DLGAP2: variants seen among roughly 807,000 people sequenced by gnomAD.
DLGAP2 encodes DLG associated protein 2, also known as disks large-associated protein 2.
DLGAP2 carries 26 observed loss-of-function variants against 100.3 expected under a neutral mutation model. The ratio of observed to expected loss-of-function variants is 0.26; its 90% CI spans 0.19 to 0.36. The LOEUF (loss-of-function observed/expected upper bound fraction) is 0.36. Among genes scored for constraint, DLGAP2 ranks in the 10% least tolerant of loss-of-function variants. The pLI is 1.00. For synonymous variants in DLGAP2, 886 were observed against 630.1 expected (o/e 1.41, Z -6.08); for missense variants, 1,858 against 1,453.2 (o/e 1.28, Z -4.53).
chr8:1,668,704 G>C (rs1798611791), intron 9 of DLGAP2, 26 bp downstream of exon 9: 1 of 1,494,026 alleles, frequency 6.7e-7, no homozygotes, highest in Non-Finnish European at 8.9e-7. Flanking sequence ...CGCCCGTCAG[G>C]GCCTCGCTCC....
At chr8:1,047,783 GCCCCACC>G (rs1381488028) in intron 2 of DLGAP2, among the ~76,000 whole-genome samples, 1 of 151,954 alleles carries the variant, frequency 6.6e-6, no homozygotes, top group African/African-American at 2.4e-5. Context: ...CCTTCCAAAG[GCCCCACC>G]TCCTAACACC....
chr8:1,270,316 C>T (rs1361369425), intron 3 of DLGAP2, among the ~76,000 whole-genome samples: 1 of 152,134 alleles, frequency 6.6e-6, no homozygotes, highest in Non-Finnish European at 1.5e-5. Context: ...GAAAAATGTC[C>T]AGAAATAGAA....
chr8:926,035 G>C (rs770588544), intron 2 of DLGAP2, among the ~76,000 whole-genome samples: 9 of 152,212 alleles, frequency 5.9e-5, no homozygotes, highest in Non-Finnish European at 1.3e-4. Context: ...CGGGGGCACA[G>C]AGCAGGTCTT....
At chr8:1,493,681 GAAGT>G (rs1433057340) in intron 3 of DLGAP2, among the ~76,000 whole-genome samples, 24 of 152,198 alleles carry the variant, frequency 1.6e-4, no homozygotes, top group African/African-American at 1.2e-4. Context: ...GCAATGAAAA[GAAGT>G]AAGTGTGCTT....
At chr8:1,193,360 C>A (rs568944159) in intron 2 of DLGAP2, among the ~76,000 whole-genome samples, 3 of 152,304 alleles carry the variant, frequency 2.0e-5, no homozygotes, top group East Asian at 1.9e-4. Flanking sequence ...TTAATGATCG[C>A]CATTCTAACT....
At chr8:1,077,027 GC>G (rs1285123308) in intron 2 of DLGAP2, among the ~76,000 whole-genome samples, 1 of 136,092 alleles carries the variant, frequency 7.3e-6, no homozygotes, top group Non-Finnish European at 1.6e-5. Flanking sequence ...TCTGTCCCGG[GC>G]CCCCCCAAGA....
intron 6 of DLGAP2, among the ~76,000 whole-genome samples, chr8:1,591,790 C>T (rs554731067): frequency 3.9e-5 from 6 of 152,328 alleles, no homozygotes; most frequent in East Asian, 1.9e-4. Flanking sequence ...CACCCATCCC[C>T]AGCAGAGGGA....
At chr8:800,902 T>C (rs568057889) in intron 1 of DLGAP2, among the ~76,000 whole-genome samples, 94 of 152,178 alleles carry the variant, frequency 6.2e-4, no homozygotes, top group African/African-American at 2.2e-3. Flanking sequence ...CCGTGCTGTG[T>C]CCTCGCCCCC....
rs537386683 is a variant in DLGAP2, at chr8:1,480,057, G to C, written c.107-21309G>C. ...AATTAGTATCTCTCTTGCAGAGAGAGGCACGGATGCCAAGGGTTGGCAGTG... is the reference window on the plus strand; with the variant it reads ...AATTAGTATCTCTCTTGCAGAGAGACGCACGGATGCCAAGGGTTGGCAGTG... On this transcript the variant is annotated intron_variant, in intron 3 of 14. Coordinates refer to ENST00000637795, the MANE Select transcript of DLGAP2 (RefSeq NM_001346810.2). Among the ~76,000 whole-genome samples the C allele has an allele frequency of 8.5e-5, 13 of 152,318 alleles. No individual in the cohort carries two copies. The South Asian group carries it at 2.3e-3, about 27-fold the overall frequency.
At chr8:1,697,427 T>G in intron 14 of DLGAP2, 128 bp downstream of exon 14, 1 of 1,336,798 alleles carries the variant, frequency 7.5e-7, no homozygotes, top group Non-Finnish European at 1.0e-6. Flanking sequence ...CAAATTTCCC[T>G]CTATGTATGT....
chr8:1,017,671 C>T (rs1041911162), intron 2 of DLGAP2, among the ~76,000 whole-genome samples: 1 of 140,150 alleles, frequency 7.1e-6, no homozygotes, highest in Non-Finnish European at 1.6e-5. Flanking sequence ...TGACCAGGAG[C>T]CTTTTGGCTT....
Position 1,119,242 on chromosome 8 carries a change from A to T in DLGAP2, c.74-139609A>T, listed in dbSNP as rs76050506. ...AGACGTAAATTTTAAGTAGGTTTGG[A>T]ATCTTTTGTAGGACTACTTTTATTT... On this transcript the variant is annotated intron_variant, in intron 2 of 14. Coordinates refer to ENST00000637795, the MANE Select transcript of DLGAP2 (RefSeq NM_001346810.2). Among the ~76,000 whole-genome samples, 610 of 152,346 alleles carry T rather than the reference A, an allele frequency of 4.0e-3. 39 individuals carry two copies. In the East Asian group the frequency reaches 0.11, roughly 27 times the overall value.
At chr8:1,428,274 T>C (rs1054559076) in intron 3 of DLGAP2, among the ~76,000 whole-genome samples, 11 of 152,106 alleles carry the variant, frequency 7.2e-5, no homozygotes, top group Non-Finnish European at 1.5e-4. Flanking sequence ...CAATGAGCAA[T>C]TTTATGATGT....
intron 5 of DLGAP2, among the ~76,000 whole-genome samples, chr8:1,552,255 C>T (rs1801794896): frequency 6.6e-6 from 1 of 152,222 alleles, no homozygotes; most frequent in African/African-American, 2.4e-5. Context: ...AGGACGTCTG[C>T]AGGGAGCAGC....
chr8:820,847 T>A (rs1796570830), intron 1 of DLGAP2, among the ~76,000 whole-genome samples: 1 of 152,122 alleles, frequency 6.6e-6, no homozygotes, highest in East Asian at 1.9e-4. Flanking sequence ...CTAAAATAAT[T>A]GTGATTGTTT....
chr8:1,436,589 G>A (rs1269331579), intron 3 of DLGAP2, among the ~76,000 whole-genome samples: 2 of 152,166 alleles, frequency 1.3e-5, no homozygotes, highest in Admixed American at 1.3e-4. Context: ...AACCATCACA[G>A]TATGCTAAGG....
At chr8:971,688 GAA>G (rs1800018932) in intron 2 of DLGAP2, among the ~76,000 whole-genome samples, 2 of 152,188 alleles carry the variant, frequency 1.3e-5, no homozygotes, top group African/African-American at 4.8e-5. Context: ...CAGGAATAGG[GAA>G]AAGTCATCAT....
At chr8:1,011,861 T>A (rs1387247984) in intron 2 of DLGAP2, among the ~76,000 whole-genome samples, 1 of 152,116 alleles carries the variant, frequency 6.6e-6, no homozygotes, top group East Asian at 1.9e-4. Flanking sequence ...GGCACAGATG[T>A]GGAACCAGGA....
At position 1,578,433 on chromosome 8, in the gene DLGAP2, G is replaced by C. The variant is rs75374772; in HGVS notation, c.1442+12539G>C. On this transcript the variant is annotated intron_variant, in intron 6 of 14. Transcript: ENST00000637795. The stretch of plus-strand genomic sequence containing the variant: ...CTGCGTTGACTGTGCCGTCCCGTGA[G>C]ATGGAACGTGTCAGCAGTTCTTTTT... Among the ~76,000 whole-genome samples the C allele has an allele frequency of 9.0e-3, 1,378 of 152,308 alleles. 31 individuals carry two copies. The highest frequency in any genetic ancestry group is 0.032 in the African/African-American group (1,339 of 41,552).
Sources: allele counts gnomAD v4.1 joint callset (sites outside exome capture counted in the v4.1 genomes callset), GRCh38; gene constraint gnomAD v4.1.1; transcripts MANE v1.5; gene names NCBI Gene and HGNC (gene_info 2026-07-23, HGNC 2026-07-21).